Variants in PARP8 observed in about 807,000 individuals in gnomAD.
The protein encoded by PARP8 is protein mono-ADP-ribosyltransferase PARP8.
Under a neutral mutation model 124.1 loss-of-function variants are expected in PARP8, and 51 were observed. The ratio of observed to expected loss-of-function variants is 0.41; its 90% CI spans 0.33 to 0.52. The LOEUF (loss-of-function observed/expected upper bound fraction) is 0.52. Among genes scored for constraint, PARP8 ranks in the 20% least tolerant of loss-of-function variants. The probability of loss-of-function intolerance (pLI) is 0.21; values close to 1 mark genes in which losing one functional copy is unlikely to be tolerated. For synonymous variants in PARP8, 391 were observed against 361.5 expected, an observed-to-expected ratio of 1.08 and a Z score of -0.93; for missense variants, 860 against 1,018.9, an observed-to-expected ratio of 0.84 and a Z score of 2.12.
intron 24 of PARP8, 51 bp from the exon 25 acceptor site, chr5:50,834,880 A>G (rs765120311): frequency 6.9e-7 from 1 of 1,454,834 alleles, no homozygotes; most frequent in Admixed American, 1.7e-5. Context: ...GGAATGGACT[A>G]GGATTCCTTT....
At chr5:50,755,662 A>T (rs1292753929) in intron 3 of PARP8, among the ~76,000 whole-genome samples, 1 of 152,068 alleles carries the variant, frequency 6.6e-6, no homozygotes, top group African/African-American at 2.4e-5. Flanking sequence ...TTGGCAATGC[A>T]GGCTGTTTTT....
chr5:50,686,394 G>A (rs1751864762), intron 2 of PARP8, among the ~76,000 whole-genome samples: 2 of 152,240 alleles, frequency 1.3e-5, no homozygotes, highest in African/African-American at 4.8e-5. Flanking sequence ...TGACTTTGTA[G>A]GGTGTAGCCC....
intron 24 of PARP8, chr5:50,834,721 A>C (rs1747368848): frequency 3.5e-6 from 2 of 565,908 alleles, no homozygotes; most frequent in Non-Finnish European, 6.3e-6. Context: ...TTGTTATACC[A>C]GTTGTTATTC....
chr5:50,676,465 A>T (rs1750650349), intron 2 of PARP8, among the ~76,000 whole-genome samples: 2 of 152,212 alleles, frequency 1.3e-5, no homozygotes, highest in Admixed American at 6.5e-5. Context: ...AACCTTTCTT[A>T]TTCATCAAAG....
chr5:50,675,910 C>T (rs1750579048), intron 2 of PARP8, among the ~76,000 whole-genome samples: 1 of 152,076 alleles, frequency 6.6e-6, no homozygotes, highest in Non-Finnish European at 1.5e-5. Context: ...TAGCCAACTG[C>T]CTAGAATATA....
intron 2 of PARP8, among the ~76,000 whole-genome samples, chr5:50,713,064 TTGC>T (rs1754940018): frequency 6.6e-6 from 1 of 152,000 alleles, no homozygotes; most frequent in African/African-American, 2.4e-5. Context: ...TGTCAGATAT[TTGC>T]TGTGTTATTA....
At chr5:50,691,174 A>G (rs1275840768) in intron 2 of PARP8, among the ~76,000 whole-genome samples, 2 of 152,176 alleles carry the variant, frequency 1.3e-5, no homozygotes, top group Non-Finnish European at 2.9e-5. Context: ...AAAACATAAA[A>G]TTCGATAAAC....
At chr5:50,700,882 A>G (rs1163188766) in intron 2 of PARP8, among the ~76,000 whole-genome samples, 1 of 152,114 alleles carries the variant, frequency 6.6e-6, no homozygotes, top group Non-Finnish European at 1.5e-5. Context: ...GGTAATCCTC[A>G]CCGTCATACT....
chr5:50,709,077 G>A (rs1754456234), intron 2 of PARP8, among the ~76,000 whole-genome samples: 1 of 151,922 alleles, frequency 6.6e-6, no homozygotes, highest in Non-Finnish European at 1.5e-5. Context: ...ATTAGCCACC[G>A]TGCCAGGCCA....
At chr5:50,767,134 G>A (rs894259490) in intron 7 of PARP8, among the ~76,000 whole-genome samples, 1 of 152,040 alleles carries the variant, frequency 6.6e-6, no homozygotes, top group African/African-American at 2.4e-5. Flanking sequence ...GGGCCCCTTA[G>A]TGACGACAGT....
chr5:50,846,167 T>G lies in PARP8; in HGVS notation c.*4099T>G, dbSNP rs1414600118. 2 of 151,710 alleles carry G rather than the reference T, an allele frequency of 1.3e-5. No individual in the cohort carries two copies. The highest frequency in any genetic ancestry group is 3.0e-5 in the Non-Finnish European group (2 of 67,746). 9.4% of individuals were successfully genotyped at this position (151,710 alleles called of 1,614,324 possible). On this transcript the variant is annotated 3_prime_UTR_variant, in exon 26 of 26. Coordinates refer to ENST00000281631, the MANE Select transcript of PARP8 (RefSeq NM_024615.4). The stretch of plus-strand genomic sequence containing the variant: ...TTCGATCTGCCCAATATTTAATGTA[T>G]CATTTGAGATTTTTAAAAATGCATC...
At chr5:50,739,830 A>G (rs1757862226) in intron 2 of PARP8, among the ~76,000 whole-genome samples, 1 of 144,328 alleles carries the variant, frequency 6.9e-6, no homozygotes, top group South Asian at 2.2e-4. Context: ...GCTCACTGCA[A>G]CCTCCACCTC....
Position 50,759,724 on chromosome 5 carries a change from T to C in PARP8, c.266T>C (p.Ile89Thr), listed in dbSNP as rs1382583827. 2 of 1,571,734 alleles carry C rather than the reference T, an allele frequency of 1.3e-6. No individual in the cohort carries two copies. The highest frequency in any genetic ancestry group is 1.4e-5 in the African/African-American group (1 of 71,818). The change falls in exon 4 of 26, where the codon ATA (isoleucine) becomes ACA (threonine). Residue 89 changes from isoleucine to threonine, a missense_variant. By Grantham distance (89) the Ile-to-Thr change is moderately conservative. Transcript: ENST00000281631. ...TEPIPVIFHR[I>T]ATELRKTNDI... ...CCAATACCAGTAATTTTTCATAGAA[T>C]AGCAACAGGTAATAGTAGTATTATT...
At chr5:50,731,593 T>C (rs1756981159) in intron 2 of PARP8, among the ~76,000 whole-genome samples, 1 of 152,190 alleles carries the variant, frequency 6.6e-6, no homozygotes, top group African/African-American at 2.4e-5. Flanking sequence ...CGTAGTATGA[T>C]GGGAAATGTT....
At chr5:50,739,223 C>G in intron 2 of PARP8, 1 of 589,636 alleles carries the variant, frequency 1.7e-6, no homozygotes, top group Non-Finnish European at 3.1e-6. Context: ...GATGGCTTAT[C>G]CAGTCATTCA....
At chr5:50,726,744 A>G (rs1756467639) in intron 2 of PARP8, among the ~76,000 whole-genome samples, 1 of 152,176 alleles carries the variant, frequency 6.6e-6, no homozygotes, top group Non-Finnish European at 1.5e-5. Context: ...GTCATATGCA[A>G]GTACAAAGGA....
In PARP8 at chr5:50,842,192, AT is replaced by A. The variant is rs906916463; in HGVS notation, c.*132del. ...AACAAAATTAACCCTTTGAATACTG[AT>A]TTTTTTTCTTAGTATTTCTAAGTAT... On this transcript the variant is annotated 3_prime_UTR_variant, in exon 26 of 26. Transcript: ENST00000281631. 4.4e-5 allele frequency: 29 copies of A among 656,530 alleles called. No homozygotes were observed. Among genetic ancestry groups the A allele is most frequent in the East Asian group, 9.6e-5 (3 of 31,248 alleles). 40.7% of individuals were successfully genotyped at this position (656,530 alleles called of 1,614,324 possible).
intron 1 of PARP8, chr5:50,667,610 C>A (rs1426817120): frequency 1.0e-5 from 7 of 698,978 alleles, no homozygotes; most frequent in Non-Finnish European, 1.3e-5. Context: ...TTGTAAGCTG[C>A]GCCCGGCGCC....
rs143084184 is a variant in PARP8 at position 50,717,214 on chromosome 5, G to A, written c.147-32937G>A. On this transcript the variant is annotated intron_variant, in intron 2 of 25. Transcript: ENST00000281631. ...AAACGAAGTTAACAGTCTTGGGGGA[G>A]GCTATTAGAGGAGTCCAGGGGAAAA... Among the ~76,000 whole-genome samples, 1,285 of 152,050 alleles carry A rather than the reference G, an allele frequency of 8.5e-3. 18 individuals carry two copies. The highest frequency in any genetic ancestry group is 0.013 in the Non-Finnish European group (868 of 67,972).
Sources: gnomAD v4.1 joint callset for allele counts (sites outside exome capture counted in the v4.1 genomes callset) on GRCh38, gnomAD v4.1.1 for gene constraint, MANE v1.5 for transcripts, NCBI Gene and HGNC (gene_info 2026-07-23, HGNC 2026-07-21) for gene names.